ASB3: variants seen among roughly 807,000 people sequenced by gnomAD.
ASB3 encodes the protein ankyrin repeat and SOCS box containing 3, also known as ankyrin repeat and SOCS box protein 3.
Under a neutral mutation model 54.5 loss-of-function variants are expected in ASB3, and 41 were observed. The observed-to-expected ratio is 0.75, with a 90% CI of 0.59 to 0.98. The LOEUF is 0.98. Among genes scored for constraint, ASB3 ranks in the 50% least tolerant of loss-of-function variants. ASB3 has a pLI of 0.00. For synonymous variants in ASB3, 266 were observed against 221.2 expected, an observed-to-expected ratio of 1.20 and a Z score of -1.80; for missense variants, 733 against 620.0, an observed-to-expected ratio of 1.18 and a Z score of -1.94.
intron 9 of ASB3, 56 bp from the exon 10 acceptor site, chr2:53,670,746 A>T: frequency 6.5e-7 from 1 of 1,536,788 alleles, no homozygotes; most frequent in Non-Finnish European, 8.7e-7. Context: ...ATGTAATAGC[A>T]CATAAAGGTA....
intron 2 of ASB3, among the ~76,000 whole-genome samples, chr2:53,764,730 G>A (rs1335434340): frequency 6.6e-6 from 1 of 152,184 alleles, no homozygotes; most frequent in African/African-American, 2.4e-5. Flanking sequence ...TACCATGGCC[G>A]ATCCCAAGCA....
intron 3 of ASB3, among the ~76,000 whole-genome samples, chr2:53,748,666 G>A (rs972432273): frequency 1.3e-5 from 2 of 151,992 alleles, no homozygotes; most frequent in Non-Finnish European, 2.9e-5. Flanking sequence ...AACCCAAATC[G>A]AAGGATATTA....
chr2:53,773,640 A>T (rs1674106274), intron 1 of ASB3, among the ~76,000 whole-genome samples: 2 of 151,774 alleles, frequency 1.3e-5, no homozygotes, highest in East Asian at 2.0e-4. Flanking sequence ...CATCTTGGCC[A>T]GGCTGGTCTT....
chr2:53,701,912 G>A (rs1669515437), intron 7 of ASB3, among the ~76,000 whole-genome samples: 1 of 152,088 alleles, frequency 6.6e-6, no homozygotes. Context: ...TCAAATCTTT[G>A]TAGATCCATT....
chr2:53,724,196 C>G (rs1445656101), intron 5 of ASB3, among the ~76,000 whole-genome samples: 1 of 152,178 alleles, frequency 6.6e-6, no homozygotes, highest in Non-Finnish European at 1.5e-5. Flanking sequence ...AACTAGGTAT[C>G]TTTATAGATT....
chr2:53,714,305 C>A, intron 7 of ASB3, 79 bp downstream of exon 7: 1 of 1,517,840 alleles, frequency 6.6e-7, no homozygotes, highest in South Asian at 1.3e-5. Flanking sequence ...TAAGTTTCAT[C>A]GTGAAAGAAA....
At chr2:53,718,897 G>T (rs1670544345) in intron 5 of ASB3, among the ~76,000 whole-genome samples, 1 of 151,998 alleles carries the variant, frequency 6.6e-6, no homozygotes, top group African/African-American at 2.4e-5. Context: ...AAACAAAAAA[G>T]GTCAGGGGTC....
At chr2:53,773,451 G>C (rs1372938788) in intron 1 of ASB3, among the ~76,000 whole-genome samples, 5 of 151,420 alleles carry the variant, frequency 3.3e-5, no homozygotes, top group Non-Finnish European at 5.9e-5. Flanking sequence ...TTATTTTTTT[G>C]AGACAGTCTC....
At chr2:53,782,295 G>A (rs1163670832) in intron 1 of ASB3, among the ~76,000 whole-genome samples, 1 of 152,196 alleles carries the variant, frequency 6.6e-6, no homozygotes, top group Admixed American at 6.5e-5. Context: ...CATTCATTCT[G>A]GAAGAGAAAG....
chr2:53,745,970 A>AAT (rs1672199805), intron 3 of ASB3, among the ~76,000 whole-genome samples: 1 of 152,160 alleles, frequency 6.6e-6, no homozygotes, highest in African/African-American at 2.4e-5. Flanking sequence ...CTTCCATTAT[A>AAT]GACTGAAGCA....
At chr2:53,680,889 C>G (rs1183097190) in intron 9 of ASB3, among the ~76,000 whole-genome samples, 2 of 152,150 alleles carry the variant, frequency 1.3e-5, no homozygotes, top group Admixed American at 6.5e-5. Flanking sequence ...TCTCACCCCC[C>G]ATCCCCACTA....
At chr2:53,725,033 G>A (rs1312178029) in intron 5 of ASB3, among the ~76,000 whole-genome samples, 4 of 152,134 alleles carry the variant, frequency 2.6e-5, no homozygotes, top group African/African-American at 9.7e-5. Flanking sequence ...CAACCTAGGT[G>A]CCCATCAATG....
intron 2 of ASB3, among the ~76,000 whole-genome samples, chr2:53,755,977 A>ACC (rs112277299): frequency 0.098 from 12,982 of 132,438 alleles, 827 homozygotes; most frequent in Middle Eastern, 0.2. Context: ...AAATAGTAAG[A>ACC]CCCCCCCCCC....
At chr2:53,680,631 A>G (rs1166289242) in intron 9 of ASB3, among the ~76,000 whole-genome samples, 3 of 152,208 alleles carry the variant, frequency 2.0e-5, no homozygotes, top group African/African-American at 7.2e-5. Flanking sequence ...TATGGGGTAC[A>G]TGAGATACTT....
chr2:53,704,904 T>C (rs1453196752), intron 7 of ASB3, among the ~76,000 whole-genome samples: 1 of 152,196 alleles, frequency 6.6e-6, no homozygotes, highest in African/African-American at 2.4e-5. Flanking sequence ...AACTCAGGTT[T>C]TTCTACAACT....
chr2:53,730,627 T>C (rs1421928937), intron 3 of ASB3, among the ~76,000 whole-genome samples: 3 of 152,164 alleles, frequency 2.0e-5, no homozygotes, highest in Non-Finnish European at 4.4e-5. Context: ...CCATACCGCT[T>C]TCCACAATGG....
At chr2:53,705,573 T>C (rs111633928) in intron 7 of ASB3, among the ~76,000 whole-genome samples, 1 of 152,218 alleles carries the variant, frequency 6.6e-6, no homozygotes, top group African/African-American at 2.4e-5. Context: ...GTTTATCCTG[T>C]TTGGGTTTAA....
intron 1 of ASB3, among the ~76,000 whole-genome samples, chr2:53,781,896 T>C (rs1270722069): frequency 6.6e-6 from 1 of 152,250 alleles, no homozygotes; most frequent in African/African-American, 2.4e-5. Context: ...ATTTTCTTTT[T>C]AAACAACAGT....
chr2:53,677,430 T>C (rs1464218140), intron 9 of ASB3, among the ~76,000 whole-genome samples: 6 of 152,152 alleles, frequency 3.9e-5, no homozygotes, highest in African/African-American at 1.4e-4. Flanking sequence ...AGTTGTAACA[T>C]GTTATAAATA....
Sources: allele counts gnomAD v4.1 joint callset (sites outside exome capture counted in the v4.1 genomes callset), GRCh38; gene constraint gnomAD v4.1.1; transcripts MANE v1.5; gene names NCBI Gene and HGNC (gene_info 2026-07-23, HGNC 2026-07-21).